PTPRO: variants seen among roughly 807,000 people sequenced by gnomAD.
PTPRO encodes protein tyrosine phosphatase receptor type O, also known as receptor-type tyrosine-protein phosphatase O.
In PTPRO, 62 loss-of-function variants were observed where a neutral mutation model predicts 145.2. That is an observed-to-expected ratio of 0.43 (90% CI 0.35 to 0.53). The LOEUF is 0.53. Among genes scored for constraint, PTPRO ranks in the 20% least tolerant of loss-of-function variants. PTPRO has a pLI of 0.01. For synonymous variants in PTPRO, 565 were observed against 514.7 expected (o/e 1.10, Z -1.32); for missense variants, 1,345 against 1,482.7 (o/e 0.91, Z 1.53).
intron 4 of PTPRO, among the ~76,000 whole-genome samples, chr12:15,500,195 T>C (rs1425574663): frequency 6.6e-6 from 1 of 152,106 alleles, no homozygotes; most frequent in Admixed American, 6.6e-5. Flanking sequence ...CGTATGTGCC[T>C]AGTATGCCTG....
At chr12:15,595,757 T>G (rs115583575) in intron 26 of PTPRO, 3,950 of 153,606 alleles carry the variant, frequency 0.026, 187 homozygotes, top group African/African-American at 0.091. Flanking sequence ...GAGATGACAG[T>G]GGTGCATGAT....
chr12:15,421,926 A>G lies in PTPRO; in HGVS notation c.76-62048A>G, dbSNP rs78297969. ...TTAGCACCTATCTCATAGGCATGAC[A>G]TGCTTAGAACAATACCTGATACATG... On this transcript the variant is annotated intron_variant, in intron 1 of 26. Transcript: ENST00000281171. Among the ~76,000 whole-genome samples the G allele has an allele frequency of 9.8e-3, 1,496 of 152,288 alleles. 15 individuals carry two copies. Among genetic ancestry groups the G allele is most frequent in the Admixed American group, 0.015 (230 of 15,306 alleles).
chr12:15,418,179 C>T (rs1940035346), intron 1 of PTPRO, among the ~76,000 whole-genome samples: 1 of 151,832 alleles, frequency 6.6e-6, no homozygotes, highest in African/African-American at 2.4e-5. Context: ...TGGACAAGAA[C>T]TTTGAATAGC....
intron 1 of PTPRO, among the ~76,000 whole-genome samples, chr12:15,395,827 A>C (rs1301803600): frequency 1.3e-5 from 2 of 151,972 alleles, no homozygotes; most frequent in East Asian, 3.8e-4. Context: ...ACACACACAC[A>C]CACACACACA....
intron 1 of PTPRO, among the ~76,000 whole-genome samples, chr12:15,444,841 GT>G (rs111622430): frequency 5.3e-5 from 8 of 151,962 alleles, no homozygotes; most frequent in South Asian, 2.1e-4. Context: ...TCTAGTCCAT[GT>G]TTTTTTTATA....
At chr12:15,398,612 C>T (rs1036082243) in intron 1 of PTPRO, among the ~76,000 whole-genome samples, 1 of 152,062 alleles carries the variant, frequency 6.6e-6, no homozygotes, top group Non-Finnish European at 1.5e-5. Context: ...CCTAAGTAGG[C>T]ATCTGGTAAA....
intron 1 of PTPRO, among the ~76,000 whole-genome samples, chr12:15,332,237 A>G (rs538238449): frequency 2.0e-5 from 3 of 152,124 alleles, no homozygotes; most frequent in Non-Finnish European, 4.4e-5. Flanking sequence ...AACAATATTT[A>G]TGCTTATATG....
At chr12:15,390,622 A>G (rs1359679402) in intron 1 of PTPRO, among the ~76,000 whole-genome samples, 5 of 152,162 alleles carry the variant, frequency 3.3e-5, no homozygotes, top group African/African-American at 9.7e-5. Context: ...GGTATCCCAC[A>G]CCATGGTACC....
chr12:15,588,194 A>G (rs1357086949), intron 24 of PTPRO, among the ~76,000 whole-genome samples: 1 of 152,224 alleles, frequency 6.6e-6, no homozygotes, highest in Non-Finnish European at 1.5e-5. Flanking sequence ...GCAGTTCTGG[A>G]TATGACTTTA....
intron 1 of PTPRO, among the ~76,000 whole-genome samples, chr12:15,331,315 GA>G (rs1213534922): frequency 1.3e-5 from 2 of 152,154 alleles, no homozygotes; most frequent in African/African-American, 4.8e-5. Flanking sequence ...GGACTCTCTG[GA>G]GACTGGGAGG....
intron 24 of PTPRO, 181 bp downstream of exon 24, chr12:15,587,232 T>C: frequency 1.5e-6 from 1 of 684,030 alleles, no homozygotes; most frequent in Non-Finnish European, 2.4e-6. Flanking sequence ...TTCCTGTATC[T>C]ATACCCTATA....
chr12:15,537,466 C>A (rs1185921912), intron 12 of PTPRO, among the ~76,000 whole-genome samples: 1 of 152,070 alleles, frequency 6.6e-6, no homozygotes, highest in Non-Finnish European at 1.5e-5. Context: ...GAAGAGAAAG[C>A]CTCAGCGAGT....
intron 1 of PTPRO, among the ~76,000 whole-genome samples, chr12:15,400,715 G>A (rs1939469282): frequency 6.6e-6 from 1 of 152,150 alleles, no homozygotes; most frequent in South Asian, 2.1e-4. Flanking sequence ...TTGTAAATGA[G>A]CACCTATTTT....
intron 12 of PTPRO, among the ~76,000 whole-genome samples, chr12:15,545,015 C>T (rs1045998698): frequency 1.3e-5 from 2 of 152,120 alleles, no homozygotes; most frequent in Non-Finnish European, 2.9e-5. Flanking sequence ...TAGTTGGACA[C>T]AAGTTTAGGA....
chr12:15,516,759 C>G lies in PTPRO; in HGVS notation c.1586-4C>G. On this transcript the variant is annotated splice_region_variant and splice_polypyrimidine_tract_variant and intron_variant, in intron 8 of 26. Coordinates refer to ENST00000281171, the MANE Select transcript of PTPRO (RefSeq NM_030667.3). ...TTTTCTACCCCCTGCCCTCTTCTTTCTAGTTCCCACAGGAATAAAGGATTT... is the reference window on the plus strand; with the variant it reads ...TTTTCTACCCCCTGCCCTCTTCTTTGTAGTTCCCACAGGAATAAAGGATTT... The G allele has an allele frequency of 6.2e-7, 1 of 1,601,108 alleles. No individual in the cohort carries two copies. The highest frequency in any genetic ancestry group is 1.7e-5 in the Admixed American group (1 of 60,002).
Position 15,586,903 on chromosome 12 carries a change from G to A in PTPRO, c.3262G>A (p.Glu1088Lys), listed in dbSNP as rs141467284. The change falls in exon 24 of 27, where the codon GAG becomes AAG. Residue 1088 changes from glutamate to lysine, a missense_variant. Glu to Lys is a moderately conservative substitution (Grantham distance 56, BLOSUM62 1). This residue lies in a region of PTPRO where 208 missense variants were observed against 242.8 expected (regional missense o/e 0.86). Coordinates refer to ENST00000281171, the MANE Select transcript of PTPRO (RefSeq NM_030667.3). ...TTGGCTTTTTTCTCTAAAGGCTGAC[G>A]AGATGCAGGATGTGATGCATTTTAA... ...CRHFRINYAD[E>K]MQDVMHFNYT... is the part of the protein sequence containing the mutation. The A allele has an allele frequency of 1.1e-5, 18 of 1,613,948 alleles. No homozygotes were observed. Among genetic ancestry groups the A allele is most frequent in the Non-Finnish European group, 1.4e-5 (16 of 1,179,940 alleles).
intron 1 of PTPRO, among the ~76,000 whole-genome samples, chr12:15,437,266 G>C (rs1307590125): frequency 2.0e-5 from 3 of 151,832 alleles, no homozygotes; most frequent in Admixed American, 2.0e-4. Context: ...AAGATCTCCA[G>C]GCATTCAGAG....
chr12:15,508,443 C>A, intron 6 of PTPRO, 128 bp from the exon 7 acceptor site: 3 of 999,438 alleles, frequency 3.0e-6, no homozygotes, highest in East Asian at 2.6e-5. Context: ...AGTTGCCAGT[C>A]CGACCGCCAA....
At chr12:15,346,257 T>C (rs1867208109) in intron 1 of PTPRO, among the ~76,000 whole-genome samples, 1 of 152,220 alleles carries the variant, frequency 6.6e-6, no homozygotes, top group Admixed American at 6.5e-5. Context: ...ATAAATATAC[T>C]ATCACTGTAA....
Sources: gnomAD v4.1 joint callset for allele counts (sites outside exome capture counted in the v4.1 genomes callset) on GRCh38, gnomAD v4.1.1 for gene constraint, gnomAD v4.1.1 regional missense constraint, MANE v1.5 for transcripts, NCBI Gene and HGNC (gene_info 2026-07-23, HGNC 2026-07-21) for gene names.